RBFOX1: variants seen among roughly 807,000 people sequenced by gnomAD.
RBFOX1 encodes RNA binding protein fox-1 homolog 1.
Under a neutral mutation model 57.7 loss-of-function variants are expected in RBFOX1, and 8 were observed. That is an observed-to-expected ratio of 0.14 (90% CI 0.08 to 0.25). RBFOX1 has a LOEUF of 0.25. RBFOX1 is among the 10% of genes least tolerant of loss of function. The probability of loss-of-function intolerance (pLI) is 1.00; values close to 1 mark genes in which losing one functional copy is unlikely to be tolerated. For missense variants in RBFOX1, 611 were observed against 548.5 expected (o/e 1.11, Z -1.14); for synonymous variants, 326 against 222.4 (o/e 1.47, Z -4.15).
intron 2 of RBFOX1, among the ~76,000 whole-genome samples, chr16:6,578,553 C>T (rs1055570009): frequency 8.0e-5 from 10 of 124,410 alleles, no homozygotes; most frequent in Non-Finnish European, 1.5e-4. Flanking sequence ...AAACTCCAAA[C>T]ATTGTGCCCA....
intron 1 of RBFOX1, among the ~76,000 whole-genome samples, chr16:6,265,187 C>T (rs774102231): frequency 3.7e-4 from 57 of 152,178 alleles, no homozygotes; most frequent in Non-Finnish European, 6.8e-4. Context: ...TTCGCACACT[C>T]ACGTGTTTGT....
intron 1 of RBFOX1, among the ~76,000 whole-genome samples, chr16:5,307,804 G>T (rs533321936): frequency 1.3e-3 from 203 of 152,214 alleles, no homozygotes; most frequent in African/African-American, 4.3e-3. Context: ...CCCCTGAGTA[G>T]CTATGACTAC....
chr16:6,486,662 T>A lies in RBFOX1; in HGVS notation c.-63-167941T>A, dbSNP rs561651135. The stretch of plus-strand genomic sequence containing the variant: ...AGCTTGAACCCTTAATTTTATTATT[T>A]TTTTTTTTGGCATTTTAGACTTTAC... On this transcript the variant is annotated intron_variant, in intron 2 of 15. Transcript: ENST00000550418. Among the ~76,000 whole-genome samples the A allele has an allele frequency of 2.0e-4, 31 of 151,948 alleles. 1 individual carries two copies. The South Asian group carries it at 3.3e-3, about 16-fold the overall frequency.
intron 3 of RBFOX1, among the ~76,000 whole-genome samples, chr16:7,044,730 A>G (rs1229136880): frequency 1.3e-5 from 2 of 152,178 alleles, no homozygotes; most frequent in Non-Finnish European, 2.9e-5. Flanking sequence ...TAGTTTCCAA[A>G]TGAAATGACA....
At chr16:6,676,753 G>A (rs1488553706) in intron 3 of RBFOX1, among the ~76,000 whole-genome samples, 3 of 139,816 alleles carry the variant, frequency 2.1e-5, no homozygotes, top group Non-Finnish European at 4.5e-5. Context: ...AAGGGTCACT[G>A]CAACCTTTGC....
chr16:6,057,784 C>T (rs544893188), intron 1 of RBFOX1, among the ~76,000 whole-genome samples: 1 of 150,888 alleles, frequency 6.6e-6, no homozygotes, highest in Non-Finnish European at 1.5e-5. Context: ...GCCAAGCCCC[C>T]ACCCCTGGCA....
chr16:5,877,200 C>A (rs1021679048), intron 4 of RBFOX1, among the ~76,000 whole-genome samples: 1 of 152,234 alleles, frequency 6.6e-6, no homozygotes, highest in African/African-American at 2.4e-5. Context: ...AAACTACATA[C>A]TGATTAGCAG....
rs183328092 is a variant in RBFOX1, at chr16:6,828,937, C to T, written c.-16+174287C>T. On this transcript the variant is annotated intron_variant, in intron 3 of 15. Coordinates refer to ENST00000550418, the MANE Select transcript of RBFOX1 (RefSeq NM_018723.4). ...CTTAGGCATGGTGCTCTCTTGAGTC[C>T]GCCTACACTCCCCCTTTCTTGAGTG... Among the ~76,000 whole-genome samples, 20 of 152,030 alleles carry T rather than the reference C, an allele frequency of 1.3e-4. No homozygotes were observed. In the East Asian group the frequency reaches 2.0e-3, roughly 15 times the overall value.
intron 3 of RBFOX1, among the ~76,000 whole-genome samples, chr16:6,761,803 C>T (rs550573486): frequency 2.0e-5 from 3 of 151,984 alleles, no homozygotes; most frequent in African/African-American, 4.8e-5. Flanking sequence ...CCACGCCTGG[C>T]CCTCTCTCTC....
chr16:5,772,374 C>G (rs1465661029), intron 3 of RBFOX1, among the ~76,000 whole-genome samples: 1 of 152,162 alleles, frequency 6.6e-6, no homozygotes, highest in East Asian at 1.9e-4. Flanking sequence ...AATTCCTGAG[C>G]TCCACTTCTA....
chr16:6,102,474 G>A (rs17139415), intron 1 of RBFOX1, among the ~76,000 whole-genome samples: 1 of 152,104 alleles, frequency 6.6e-6, no homozygotes, highest in South Asian at 2.1e-4. Flanking sequence ...GCACGTCAAC[G>A]GCTGAGGACA....
At chr16:7,378,399 C>A (rs557078264) in intron 4 of RBFOX1, among the ~76,000 whole-genome samples, 1 of 152,200 alleles carries the variant, frequency 6.6e-6, no homozygotes, top group African/African-American at 2.4e-5. Context: ...CTGGAGAGTC[C>A]CTGACAAGGA....
chr16:5,580,337 G>A (rs1443608235), intron 2 of RBFOX1, among the ~76,000 whole-genome samples: 1 of 152,230 alleles, frequency 6.6e-6, no homozygotes, highest in African/African-American at 2.4e-5. Context: ...TGGTAATTGA[G>A]CTTGTGGGAA....
chr16:5,795,854 A>G (rs1408479403), intron 3 of RBFOX1, among the ~76,000 whole-genome samples: 1 of 152,226 alleles, frequency 6.6e-6, no homozygotes, highest in South Asian at 2.1e-4. Flanking sequence ...TTGCAAAGCC[A>G]TTAGAGCCTC....
chr16:5,613,163 G>T (rs964836752), intron 3 of RBFOX1, among the ~76,000 whole-genome samples: 6 of 152,138 alleles, frequency 3.9e-5, no homozygotes, highest in Non-Finnish European at 7.4e-5. Flanking sequence ...GAATCACAGG[G>T]GTACCAAGAC....
At chr16:7,335,093 A>G (rs1041636261) in intron 4 of RBFOX1, among the ~76,000 whole-genome samples, 7 of 152,320 alleles carry the variant, frequency 4.6e-5, no homozygotes, top group African/African-American at 1.4e-4. Context: ...TCAAGTAGCT[A>G]AAATCACCCC....
At chr16:6,294,177 G>C (rs952727415) in intron 1 of RBFOX1, among the ~76,000 whole-genome samples, 1 of 152,040 alleles carries the variant, frequency 6.6e-6, no homozygotes, top group Admixed American at 6.6e-5. Context: ...GTGAGACCCT[G>C]TCTCTAAAGA....
At chr16:7,455,387 T>C (rs544319109) in intron 4 of RBFOX1, among the ~76,000 whole-genome samples, 2 of 152,338 alleles carry the variant, frequency 1.3e-5, no homozygotes, top group African/African-American at 4.8e-5. Context: ...GATAGGTTTC[T>C]ATCCAGCCTT....
chr16:5,472,069 A>G lies in RBFOX1; in HGVS notation c.258+4815A>G, dbSNP rs372221401. ...CTGCCTTCTCTGTGACTTCTGACGG[A>G]TGCTCTTTTCTCATGTCTCTGTTAT... is the stretch of plus-strand genomic sequence containing the variant. On this transcript the variant is annotated intron_variant, in intron 2 of 2. Transcript: ENST00000585867. Among the ~76,000 whole-genome samples, 67 of 152,164 alleles carry G rather than the reference A, an allele frequency of 4.4e-4. No individual in the cohort carries two copies. In the South Asian group the frequency reaches 0.013, roughly 30 times the overall value.
Sources: allele counts gnomAD v4.1 joint callset (sites outside exome capture counted in the v4.1 genomes callset), GRCh38; gene constraint gnomAD v4.1.1; transcripts MANE v1.5; gene names NCBI Gene and HGNC (gene_info 2026-07-23, HGNC 2026-07-21).